Variants in EPHA6 observed in about 807,000 individuals in gnomAD.
EPHA6 encodes EPH receptor A6.
In EPHA6, 50 loss-of-function variants were observed where a neutral mutation model predicts 112.0. The ratio of observed to expected loss-of-function variants is 0.45; its 90% confidence interval spans 0.36 to 0.56. The LOEUF (loss-of-function observed/expected upper bound fraction) is 0.56. Among genes scored for constraint, EPHA6 ranks in the 20% least tolerant of loss-of-function variants. EPHA6 has a pLI of 0.00. For missense variants in EPHA6, 1,280 were observed against 1,417.4 expected, an observed-to-expected ratio of 0.90 and a Z score of 1.56; for synonymous variants, 529 against 490.7, an observed-to-expected ratio of 1.08 and a Z score of -1.03.
intron 15 of EPHA6, among the ~76,000 whole-genome samples, chr3:97,720,961 G>C (rs147058909): frequency 6.6e-6 from 1 of 152,138 alleles, no homozygotes; most frequent in African/African-American, 2.4e-5. Flanking sequence ...TATAGAACAG[G>C]AGAATTCACA....
chr3:97,529,259 T>C (rs1367768821), intron 10 of EPHA6, among the ~76,000 whole-genome samples: 1 of 152,070 alleles, frequency 6.6e-6, no homozygotes, highest in Non-Finnish European at 1.5e-5. Context: ...CCCTGTTAGG[T>C]ACTTTACTTA....
intron 5 of EPHA6, among the ~76,000 whole-genome samples, chr3:97,384,938 TC>T (rs1322590228): frequency 4.6e-5 from 7 of 152,128 alleles, no homozygotes; most frequent in Non-Finnish European, 1.0e-4. Flanking sequence ...AAACTAGCTC[TC>T]CCAGGGTAAA....
intron 5 of EPHA6, among the ~76,000 whole-genome samples, chr3:97,288,192 G>A (rs1446330942): frequency 6.6e-6 from 1 of 152,172 alleles, no homozygotes; most frequent in Admixed American, 6.5e-5. Flanking sequence ...CCCAGGTAGT[G>A]AGCATAGCAC....
At chr3:97,643,858 T>C (rs2107584348) in intron 14 of EPHA6, among the ~76,000 whole-genome samples, 1 of 150,720 alleles carries the variant, frequency 6.6e-6, no homozygotes, top group East Asian at 2.0e-4. Flanking sequence ...AACACCCCAC[T>C]GTCAACATTA....
In EPHA6 at chr3:97,414,785, G is replaced by A. The variant is rs2087995589; in HGVS notation, c.1731+9511G>A. ...CTGATATAATTACTATTTGAAAAAA[G>A]GAAATCTGCCCAGAAAAATCAATTG... On this transcript the variant is annotated intron_variant, in intron 6 of 17. Coordinates refer to ENST00000389672, the MANE Select transcript of EPHA6 (RefSeq NM_001080448.3). 2.0e-5 allele frequency among the ~76,000 whole-genome samples: 3 copies of A among 151,980 alleles called. No individual in the cohort carries two copies. In the South Asian group the frequency reaches 6.2e-4, roughly 32 times the overall value.
At chr3:96,852,145 C>T (rs2035428467) in intron 1 of EPHA6, among the ~76,000 whole-genome samples, 1 of 152,006 alleles carries the variant, frequency 6.6e-6, no homozygotes, top group Non-Finnish European at 1.5e-5. Flanking sequence ...TTTTAAATTT[C>T]TAAGAAAAGA....
chr3:97,253,679 T>A (rs1706740430), intron 5 of EPHA6, among the ~76,000 whole-genome samples: 1 of 152,132 alleles, frequency 6.6e-6, no homozygotes, highest in African/African-American at 2.4e-5. Flanking sequence ...CTTTATGTTG[T>A]TTTTCATTTT....
At chr3:96,940,759 G>A (rs1394867156) in intron 2 of EPHA6, among the ~76,000 whole-genome samples, 1 of 152,074 alleles carries the variant, frequency 6.6e-6, no homozygotes, top group African/African-American at 2.4e-5. Flanking sequence ...TCCATGTTTA[G>A]TGCTTCCTTC....
At chr3:97,521,166 A>C (rs1338700193) in intron 10 of EPHA6, among the ~76,000 whole-genome samples, 1 of 150,074 alleles carries the variant, frequency 6.7e-6, no homozygotes, top group Non-Finnish European at 1.5e-5. Flanking sequence ...AGCTTCTTTA[A>C]CATCATTATT....
intron 6 of EPHA6, among the ~76,000 whole-genome samples, chr3:97,419,413 C>T (rs2088423602): frequency 6.6e-6 from 1 of 152,052 alleles, no homozygotes; most frequent in Admixed American, 6.5e-5. Flanking sequence ...CACCTGAGGC[C>T]AGCAGTTCAA....
intron 3 of EPHA6, among the ~76,000 whole-genome samples, chr3:97,116,830 A>G (rs1210367459): frequency 1.3e-5 from 2 of 151,610 alleles, no homozygotes; most frequent in East Asian, 3.9e-4. Context: ...TACGGATATT[A>G]TTTCCTTTGG....
intron 3 of EPHA6, among the ~76,000 whole-genome samples, chr3:97,015,339 T>A (rs961720933): frequency 6.6e-6 from 1 of 152,312 alleles, no homozygotes; most frequent in Non-Finnish European, 1.5e-5. Context: ...GTAGGGCCTA[T>A]AAGCAGTAGT....
chr3:97,393,715 A>G (rs993396858), intron 5 of EPHA6, among the ~76,000 whole-genome samples: 6 of 151,444 alleles, frequency 4.0e-5, no homozygotes, highest in African/African-American at 1.2e-4. Flanking sequence ...TCATTGACCA[A>G]CCTCTCCCCA....
intron 3 of EPHA6, among the ~76,000 whole-genome samples, chr3:97,165,763 A>G (rs948583781): frequency 1.3e-5 from 2 of 152,300 alleles, no homozygotes; most frequent in East Asian, 3.9e-4. Flanking sequence ...AGAAGAGGTA[A>G]GGAGCTTCTC....
chr3:97,195,115 T>C (rs1293974716), intron 3 of EPHA6, among the ~76,000 whole-genome samples: 3 of 152,196 alleles, frequency 2.0e-5, no homozygotes, highest in Admixed American at 6.5e-5. Context: ...CATTTTGTTA[T>C]TTGTTTACAG....
intron 3 of EPHA6, among the ~76,000 whole-genome samples, chr3:97,179,543 G>T (rs994651162): frequency 7.9e-5 from 12 of 152,076 alleles, no homozygotes; most frequent in African/African-American, 2.9e-4. Flanking sequence ...AAAGACTTGG[G>T]TGTTGTGATC....
intron 2 of EPHA6, among the ~76,000 whole-genome samples, chr3:96,952,201 C>T (rs993121711): frequency 3.9e-5 from 6 of 152,162 alleles, no homozygotes; most frequent in African/African-American, 1.4e-4. Context: ...TGTTAAATAG[C>T]TTGATAAGCA....
chr3:97,265,002 T>C (rs1218923619), intron 5 of EPHA6, among the ~76,000 whole-genome samples: 2 of 152,176 alleles, frequency 1.3e-5, no homozygotes, highest in Non-Finnish European at 2.9e-5. Flanking sequence ...TTAGAGAGGG[T>C]AGCTCCTCTT....
chr3:96,972,550 C>A (rs1441640904), intron 2 of EPHA6, among the ~76,000 whole-genome samples: 1 of 151,926 alleles, frequency 6.6e-6, no homozygotes, highest in Non-Finnish European at 1.5e-5. Context: ...TTTTCTGTTA[C>A]CTACTGTCAG....
Sources: allele counts gnomAD v4.1 joint callset (sites outside exome capture counted in the v4.1 genomes callset), GRCh38; gene constraint gnomAD v4.1.1; transcripts MANE v1.5; gene names NCBI Gene and HGNC (gene_info 2026-07-23, HGNC 2026-07-21).